Variants in LRP1B observed in about 807,000 individuals in gnomAD.
LRP1B encodes low-density lipoprotein receptor-related protein 1B.
A neutral mutation model predicts 556.6 loss-of-function variants in LRP1B; 217 were observed. The observed-to-expected ratio is 0.39, with a 90% confidence interval of 0.35 to 0.44. The LOEUF (loss-of-function observed/expected upper bound fraction) is 0.44, where lower values mean the gene tolerates loss of function less well. Among genes scored for constraint, LRP1B ranks in the 20% least tolerant of loss-of-function variants. LRP1B has a pLI of 1.00. For synonymous variants in LRP1B, 2,047 were observed against 1,865.8 expected, an observed-to-expected ratio of 1.10 and a Z score of -2.50; for missense variants, 5,053 against 5,620.8, an observed-to-expected ratio of 0.90 and a Z score of 3.23.
chr2:140,557,065 T>C (rs1051048786), intron 43 of LRP1B, among the ~76,000 whole-genome samples: 28 of 152,144 alleles, frequency 1.8e-4, no homozygotes, highest in African/African-American at 6.3e-4. Flanking sequence ...CATTTTCATA[T>C]ACACATCTTC....
chr2:141,285,199 G>C (rs1488130867), intron 3 of LRP1B, among the ~76,000 whole-genome samples: 1 of 150,462 alleles, frequency 6.6e-6, no homozygotes, highest in Non-Finnish European at 1.5e-5. Context: ...CCAGGTTCAA[G>C]CGACTCTCCT....
intron 1 of LRP1B, among the ~76,000 whole-genome samples, chr2:141,950,902 T>C (rs1701088220): frequency 6.6e-6 from 1 of 152,118 alleles, no homozygotes; most frequent in Admixed American, 6.6e-5. Context: ...AAGAAATCAG[T>C]TGGTATCCTT....
At chr2:140,989,792 C>A in intron 16 of LRP1B, 135 bp from the exon 17 acceptor site, 1 of 739,688 alleles carries the variant, frequency 1.4e-6, no homozygotes, top group Non-Finnish European at 2.1e-6. Flanking sequence ...CATTCATTGC[C>A]TTATATTTAA....
intron 87 of LRP1B, among the ~76,000 whole-genome samples, chr2:140,241,433 T>C (rs1680942883): frequency 6.6e-6 from 1 of 151,004 alleles, no homozygotes; most frequent in South Asian, 2.1e-4. Flanking sequence ...GTATATAAAA[T>C]TTATTTTCTC....
At chr2:141,542,348 T>G (rs943111681) in intron 2 of LRP1B, among the ~76,000 whole-genome samples, 5 of 151,986 alleles carry the variant, frequency 3.3e-5, no homozygotes, top group African/African-American at 1.2e-4. Context: ...AATGTCAACA[T>G]TCCCATCCTA....
chr2:141,529,100 G>A (rs553064662), intron 2 of LRP1B, among the ~76,000 whole-genome samples: 8 of 152,284 alleles, frequency 5.3e-5, no homozygotes, highest in South Asian at 2.1e-4. Flanking sequence ...AACATTGACC[G>A]TGAAGCCTGG....
At chr2:141,145,905 CT>C (rs1701771166) in intron 7 of LRP1B, among the ~76,000 whole-genome samples, 2 of 129,778 alleles carry the variant, frequency 1.5e-5, no homozygotes, top group Non-Finnish European at 3.2e-5. Context: ...TCACGTTTTT[CT>C]TTTCTTTCTT....
intron 41 of LRP1B, among the ~76,000 whole-genome samples, chr2:140,638,605 A>G (rs1469107220): frequency 2.0e-5 from 3 of 152,172 alleles, no homozygotes; most frequent in Non-Finnish European, 4.4e-5. Flanking sequence ...GGTTAAATGA[A>G]TGAATCGAAG....
chr2:140,957,479 A>G (rs184976092), intron 18 of LRP1B, among the ~76,000 whole-genome samples: 1 of 146,788 alleles, frequency 6.8e-6, no homozygotes, highest in Non-Finnish European at 1.5e-5. Flanking sequence ...TAGGAAGTAC[A>G]TATACAATGA....
At chr2:141,800,677 T>C (rs555458384) in intron 2 of LRP1B, among the ~76,000 whole-genome samples, 1 of 152,286 alleles carries the variant, frequency 6.6e-6, no homozygotes, top group South Asian at 2.1e-4. Context: ...ATGTCAGTAA[T>C]CATCATGAAT....
intron 68 of LRP1B, 142 bp from the exon 69 acceptor site, chr2:140,373,279 CAT>C: frequency 4.3e-6 from 3 of 704,526 alleles, no homozygotes; most frequent in Non-Finnish European, 6.9e-6. Flanking sequence ...TCAAAAACAA[CAT>C]AGATGTAATT....
At chr2:140,840,566 A>T (rs1692069731) in intron 30 of LRP1B, among the ~76,000 whole-genome samples, 1 of 152,204 alleles carries the variant, frequency 6.6e-6, no homozygotes, top group Non-Finnish European at 1.5e-5. Context: ...TGATCTACAA[A>T]GCAGTGACCA....
intron 66 of LRP1B, among the ~76,000 whole-genome samples, chr2:140,400,082 A>G (rs1054653821): frequency 6.6e-6 from 1 of 152,198 alleles, no homozygotes; most frequent in Non-Finnish European, 1.5e-5. Context: ...TTGAACACTC[A>G]AGTGATGAAG....
rs1491148843 is a variant in LRP1B, at chr2:140,766,844, T to TATATA, written c.5758+2368_5758+2369insTATAT. 3.3e-3 allele frequency among the ~76,000 whole-genome samples: 182 copies of TATATA among 54,900 alleles called. 4 individuals are homozygous for TATATA. The highest frequency in any genetic ancestry group is 9.5e-3 in the African/African-American group (158 of 16,660). 36.0% of individuals were successfully genotyped at this position (54,900 alleles called of 152,430 possible). A position where few individuals can be genotyped will look rare whatever the true frequency, so the allele number is the denominator to read the frequency against. ...TAAAATATATATATATATATATATA[T>TATATA]TATATATATATATATATATATAATA... On this transcript the variant is annotated intron_variant, in intron 35 of 90. Coordinates refer to ENST00000389484, the MANE Select transcript of LRP1B (RefSeq NM_018557.3).
At chr2:140,938,472 CTTTCT>C (rs1311058081) in intron 20 of LRP1B, among the ~76,000 whole-genome samples, 1 of 151,994 alleles carries the variant, frequency 6.6e-6, no homozygotes, top group African/African-American at 2.4e-5. Flanking sequence ...GTAGAAATGC[CTTTCT>C]TTTGTCATCT....
At chr2:142,024,601 G>T (rs886744540) in intron 1 of LRP1B, among the ~76,000 whole-genome samples, 1 of 144,658 alleles carries the variant, frequency 6.9e-6, no homozygotes, top group Middle Eastern at 3.7e-3. Flanking sequence ...AGCTTGTCAT[G>T]TCAATAATCA....
intron 11 of LRP1B, among the ~76,000 whole-genome samples, chr2:141,031,251 TCACACA>T (rs72098612): frequency 3.3e-5 from 4 of 121,558 alleles, no homozygotes; most frequent in African/African-American, 1.2e-4. Context: ...TATATACATA[TCACACA>T]CACACACACA....
intron 1 of LRP1B, among the ~76,000 whole-genome samples, chr2:142,050,271 G>A (rs985947209): frequency 4.0e-5 from 6 of 151,868 alleles, no homozygotes; most frequent in African/African-American, 9.7e-5. Context: ...GGCACTTCTC[G>A]CCAGTTTCAA....
chr2:141,056,774 T>C (rs144269096), intron 9 of LRP1B, among the ~76,000 whole-genome samples: 53 of 151,994 alleles, frequency 3.5e-4, no homozygotes, highest in African/African-American at 1.1e-3. Context: ...GACTCCCAAA[T>C]TGGTATCTCA....
Sources: gnomAD v4.1 joint callset for allele counts (sites outside exome capture counted in the v4.1 genomes callset) on GRCh38, gnomAD v4.1.1 for gene constraint, MANE v1.5 for transcripts, NCBI Gene and HGNC (gene_info 2026-07-23, HGNC 2026-07-21) for gene names.